CERS5: variants seen among roughly 807,000 people sequenced by gnomAD.
CERS5 encodes LAG1 homolog, ceramide synthase 5.
CERS5 carries 37 observed loss-of-function variants against 58.9 expected under a neutral mutation model. That is an observed-to-expected ratio of 0.63 (90% confidence interval 0.48 to 0.83). The LOEUF (loss-of-function observed/expected upper bound fraction) is 0.83, where lower values mean the gene tolerates loss of function less well. CERS5 is among the 40% of genes least tolerant of loss of function. The pLI, the probability that CERS5 is intolerant of heterozygous loss-of-function variation, is 0.00. For synonymous variants in CERS5, 147 were observed against 177.8 expected (o/e 0.83, Z 1.38); for missense variants, 398 against 489.3 (o/e 0.81, Z 1.76).
chr12:50,166,535 C>T (rs541742850), intron 1 of CERS5, among the ~76,000 whole-genome samples: 6 of 152,276 alleles, frequency 3.9e-5, no homozygotes, highest in Admixed American at 2.6e-4. Flanking sequence ...TTTCTACCCT[C>T]CTACCAACAA....
chr12:50,141,903 G>A (rs1030656490), intron 4 of CERS5, 150 bp downstream of exon 4: 4 of 572,210 alleles, frequency 7.0e-6, no homozygotes, highest in South Asian at 1.9e-5. Flanking sequence ...TTCCACAACT[G>A]CACTCCAGCT....
chr12:50,167,318 A>G lies in CERS5; in HGVS notation c.-21T>C, dbSNP rs746057036. On this transcript the variant is annotated 5_prime_UTR_variant, in exon 1 of 10. Transcript: ENST00000317551. ...GCCATCTTACGCCCACCCCGAAGCC[A>G]CCGCCGCCACAAGCGTCAGCTGCCG... 4 of 1,431,392 alleles carry G rather than the reference A, an allele frequency of 2.8e-6. No individual in the cohort carries two copies. The highest frequency in any genetic ancestry group is 3.6e-6 in the Non-Finnish European group (4 of 1,097,640). 88.7% of individuals were successfully genotyped at this position (1,431,392 alleles called of 1,614,324 possible). A position where few individuals can be genotyped will look rare whatever the true frequency, so the allele number is the denominator to read the frequency against.
Position 50,137,777 on chromosome 12 carries a change from G to A in CERS5, c.587C>T (p.Ala196Val). Residue 196 changes from alanine to valine, a missense_variant, in exon 6 of 10, where the codon GCC becomes GTC. Physicochemically the swap from Ala to Val is moderately conservative, Grantham distance 64. This residue lies in a region of CERS5 where 328 missense variants were observed against 384.5 expected (regional missense o/e 0.85). Coordinates refer to ENST00000317551, the MANE Select transcript of CERS5 (RefSeq NM_147190.5). The stretch of plus-strand genomic sequence containing the variant: ...AGAAAACATAAGGGACCAATAGAAG[G>A]CCAATTCCATGATATAATAGTGATA... ...GLYHYYIMEL[A>V]FYWSLMFSQF... is the part of the protein sequence containing the mutation. The A allele has an allele frequency of 6.3e-7, 1 of 1,596,912 alleles. No homozygotes were observed. Among genetic ancestry groups the A allele is most frequent in the Non-Finnish European group, 8.6e-7 (1 of 1,165,116 alleles).
At chr12:50,146,351 C>T in intron 1 of CERS5, among the ~76,000 whole-genome samples, 1 of 152,182 alleles carries the variant, frequency 6.6e-6, no homozygotes, top group Non-Finnish European at 1.5e-5. Context: ...GTACCTCCAG[C>T]AGAAAGTGAG....
intron 9 of CERS5, chr12:50,133,414 C>T (rs142883570): frequency 1.5e-5 from 15 of 1,009,600 alleles, no homozygotes; most frequent in African/African-American, 3.4e-5. Flanking sequence ...TACCCATTCA[C>T]TTAGGACACT....
chr12:50,162,240 T>C (rs1430088435), intron 1 of CERS5, among the ~76,000 whole-genome samples: 1 of 149,454 alleles, frequency 6.7e-6, no homozygotes, highest in Non-Finnish European at 1.5e-5. Flanking sequence ...GGAAATAAAT[T>C]TGTTCTTCAA....
At chr12:50,140,096 A>G (rs947608887) in intron 4 of CERS5, among the ~76,000 whole-genome samples, 1 of 152,090 alleles carries the variant, frequency 6.6e-6, no homozygotes, top group African/African-American at 2.4e-5. Context: ...CTAAAGCAGA[A>G]ATTTAGATCA....
chr12:50,160,324 A>G (rs1939143237), intron 1 of CERS5, among the ~76,000 whole-genome samples: 1 of 151,866 alleles, frequency 6.6e-6, no homozygotes, highest in Admixed American at 6.6e-5. Flanking sequence ...AAAAAGAAAA[A>G]AAAAAGAAAA....
At chr12:50,134,242 G>A (rs1951503545) in intron 9 of CERS5, among the ~76,000 whole-genome samples, 1 of 149,904 alleles carries the variant, frequency 6.7e-6, no homozygotes, top group African/African-American at 2.5e-5. Context: ...AGCCAGGCGT[G>A]GTGGTGCACA....
At chr12:50,143,459 T>C (rs753615528) in intron 2 of CERS5, 2 of 351,100 alleles carry the variant, frequency 5.7e-6, no homozygotes, top group South Asian at 5.4e-5. Flanking sequence ...AAAACCCAAA[T>C]TGCAGGCCAG....
intron 1 of CERS5, among the ~76,000 whole-genome samples, chr12:50,161,869 C>CTTTTTTTT (rs765766688): frequency 2.4e-4 from 16 of 67,306 alleles, no homozygotes; most frequent in Non-Finnish European, 3.5e-4. Flanking sequence ...TGTTCTTCTT[C>CTTTTTTTT]TTTTTTTTTT....
chr12:50,161,869 CTTTTTTTTTT>C (rs765766688), intron 1 of CERS5, among the ~76,000 whole-genome samples: 1 of 67,304 alleles, frequency 1.5e-5, no homozygotes, highest in Non-Finnish European at 2.5e-5. Context: ...TGTTCTTCTT[CTTTTTTTTTT>C]TTTTTTTTTT....
intron 1 of CERS5, among the ~76,000 whole-genome samples, chr12:50,161,784 G>GAAAGAAAAAAAAAAAAAAA (rs1939294735): frequency 1.1e-5 from 1 of 90,862 alleles, no homozygotes; most frequent in African/African-American, 4.6e-5. Flanking sequence ...CTCAAAAAAA[G>GAAAGAAAAAAAAAAAAAAA]AAAAAAAAAA....
At chr12:50,146,514 T>C (rs1194732524) in intron 1 of CERS5, among the ~76,000 whole-genome samples, 1 of 152,142 alleles carries the variant, frequency 6.6e-6, no homozygotes, top group Non-Finnish European at 1.5e-5. Context: ...CAGAGTTCGG[T>C]GAAAAGCATA....
intron 2 of CERS5, 60 bp from the exon 3 acceptor site, chr12:50,143,264 T>C (rs540062895): frequency 3.0e-5 from 47 of 1,590,516 alleles, no homozygotes; most frequent in Admixed American, 2.4e-4. Context: ...TTCAATCCCA[T>C]TGACTAGCTG....
intron 1 of CERS5, among the ~76,000 whole-genome samples, chr12:50,161,869 C>CTTTTTTT (rs765766688): frequency 2.3e-3 from 152 of 67,304 alleles, no homozygotes; most frequent in Middle Eastern, 0.017. Context: ...TGTTCTTCTT[C>CTTTTTTT]TTTTTTTTTT....
intron 9 of CERS5, among the ~76,000 whole-genome samples, chr12:50,131,445 G>C (rs1024598400): frequency 6.6e-6 from 1 of 151,612 alleles, no homozygotes; most frequent in Non-Finnish European, 1.5e-5. Context: ...TGTAATCCCA[G>C]CTACTCAGGA....
intron 1 of CERS5, chr12:50,147,379 C>A (rs997024744): frequency 1.4e-5 from 2 of 147,894 alleles, no homozygotes; most frequent in South Asian, 4.3e-4. Flanking sequence ...CTCTCTCTGG[C>A]CTGGGTAACA....
intron 9 of CERS5, chr12:50,133,843 G>A (rs1239758084): frequency 1.2e-6 from 1 of 800,736 alleles, no homozygotes; most frequent in Non-Finnish European, 1.5e-6. Context: ...GGAGGCCAAG[G>A]TGGGCAGATC....
Sources: allele counts gnomAD v4.1 joint callset (sites outside exome capture counted in the v4.1 genomes callset), GRCh38; gene constraint gnomAD v4.1.1; regional missense constraint gnomAD v4.1.1; transcripts MANE v1.5; gene names NCBI Gene and HGNC (gene_info 2026-07-23, HGNC 2026-07-21).